Variants in QRFPR observed in about 807,000 individuals in gnomAD.
The protein encoded by QRFPR is pyroglutamylated RF-amide peptide receptor.
Under a neutral mutation model 31.3 loss-of-function variants are expected in QRFPR, and 37 were observed. The observed-to-expected ratio is 1.18, with a 90% CI of 0.91 to 1.56. QRFPR has a LOEUF of 1.56. QRFPR is among the 40% of genes most tolerant of loss of function. The pLI, the probability that QRFPR is intolerant of heterozygous loss-of-function variation, is 0.00. For missense variants in QRFPR, 542 were observed against 532.5 expected, an observed-to-expected ratio of 1.02 and a Z score of -0.18; for synonymous variants, 197 against 192.0, an observed-to-expected ratio of 1.03 and a Z score of -0.22.
At chr4:121,360,378 C>T (rs1245587295) in intron 1 of QRFPR, among the ~76,000 whole-genome samples, 1 of 152,108 alleles carries the variant, frequency 6.6e-6, no homozygotes, top group Non-Finnish European at 1.5e-5. Flanking sequence ...TTGCAAACAC[C>T]GATTCTTCCA....
At position 121,329,297 on chromosome 4, in the gene QRFPR, T is replaced by G; in HGVS notation, c.*17A>C. The stretch of plus-strand genomic sequence containing the variant: ...GTTACAATCTGAAGGGCATTAATTA[T>G]GAAGATATTGTTATAATTAATGCCC... On this transcript the variant is annotated 3_prime_UTR_variant, in exon 6 of 6. Coordinates refer to ENST00000394427, the MANE Select transcript of QRFPR (RefSeq NM_198179.3). 6.4e-7 allele frequency: 1 copy of G among 1,565,516 alleles called. No homozygotes were observed. The highest frequency in any genetic ancestry group is 8.7e-7 in the Non-Finnish European group (1 of 1,153,320).
At chr4:121,365,589 AT>A (rs1193793440) in intron 1 of QRFPR, among the ~76,000 whole-genome samples, 855 of 6,590 alleles carry the variant, frequency 0.13, 82 homozygotes, top group African/African-American at 0.29. Context: ...TATTATATAT[AT>A]TATATATATA....
At chr4:121,350,528 A>G (rs1725744617) in intron 1 of QRFPR, among the ~76,000 whole-genome samples, 1 of 152,232 alleles carries the variant, frequency 6.6e-6, no homozygotes, top group Non-Finnish European at 1.5e-5. Flanking sequence ...TTGCAAGAGT[A>G]ACAATCACAA....
intron 1 of QRFPR, among the ~76,000 whole-genome samples, chr4:121,365,584 T>TA (rs1726102714): frequency 3.3e-4 from 1 of 3,064 alleles, no homozygotes; most frequent in African/African-American, 7.2e-4. Context: ...ATATATATTA[T>TA]ATATATTATA....
intron 1 of QRFPR, among the ~76,000 whole-genome samples, chr4:121,344,371 C>T (rs960486093): frequency 1.3e-5 from 2 of 152,188 alleles, no homozygotes; most frequent in Non-Finnish European, 2.9e-5. Flanking sequence ...TGTTTAATAA[C>T]CCACCTGTGA....
At position 121,335,580 on chromosome 4, in the gene QRFPR, G is replaced by GGGT. The variant is rs1553945906; in HGVS notation, c.561+1226_561+1227insACC. ...GAGGCAGCCAATTGTATGGGGGGTG[G>GGGT]GGGGTGGGGCGGGGAGAGGAGTGGG... On this transcript the variant is annotated intron_variant, in intron 3 of 5. Transcript: ENST00000394427. Among the ~76,000 whole-genome samples the GGGT allele has an allele frequency of 7.2e-5, 6 of 83,474 alleles. 1 individual carries two copies. The highest frequency in any genetic ancestry group is 2.4e-3 in the East Asian group (2 of 832). The allele number at this position is 83,474 out of a possible 152,430, so 54.8% of individuals were successfully genotyped here.
intron 1 of QRFPR, among the ~76,000 whole-genome samples, chr4:121,344,699 C>T (rs886654045): frequency 2.0e-5 from 3 of 152,138 alleles, no homozygotes; most frequent in African/African-American, 7.2e-5. Flanking sequence ...ACGACTAAAA[C>T]AAAATAAACA....
chr4:121,344,265 T>G (rs1197536084), intron 1 of QRFPR, among the ~76,000 whole-genome samples: 1 of 152,200 alleles, frequency 6.6e-6, no homozygotes, highest in Non-Finnish European at 1.5e-5. Flanking sequence ...GAGTCCAGGT[T>G]GTCAGACTCC....
At chr4:121,370,119 C>A in intron 1 of QRFPR, 1 of 766,740 alleles carries the variant, frequency 1.3e-6, no homozygotes, top group South Asian at 1.4e-5. Context: ...GGAGGGTAGA[C>A]TGGCCTCTCC....
At chr4:121,380,205 GAGAGAGA>G (rs1726454240) in intron 1 of QRFPR, 96 bp downstream of exon 1, 1 of 326,346 alleles carries the variant, frequency 3.1e-6, no homozygotes, top group Non-Finnish European at 5.5e-6. Context: ...GAGAGAGAGA[GAGAGAGA>G]GAGAGAGAGA....
chr4:121,365,039 T>C, intron 1 of QRFPR, among the ~76,000 whole-genome samples: 1 of 149,878 alleles, frequency 6.7e-6, no homozygotes, highest in Non-Finnish European at 1.5e-5. Flanking sequence ...TACTAGTTAC[T>C]GTCTTTAAAT....
At position 121,380,320 on chromosome 4, in the gene QRFPR, T is replaced by C. The variant is rs753871065; in HGVS notation, c.328A>G (p.Asn110Asp). ...GCGCGACTCTTACCCCCCAGCCAGT[T>C]GTCGGAAATGTTCTGGAGCATGGTG... ...PVTMLQNISD[N>D]WLGGAFICKM... The change falls in exon 1 of 6, where the codon AAC becomes GAC. Residue 110 changes from asparagine to aspartate, a missense_variant. By Grantham distance (23) the Asn-to-Asp change is conservative. Transcript: ENST00000394427. 5 of 1,611,936 alleles carry C rather than the reference T, an allele frequency of 3.1e-6. No individual in the cohort carries two copies. The highest frequency in any genetic ancestry group is 4.2e-6 in the Non-Finnish European group (5 of 1,178,982).
chr4:121,352,786 T>TTA (rs1725788675), intron 1 of QRFPR, among the ~76,000 whole-genome samples: 1 of 152,086 alleles, frequency 6.6e-6, no homozygotes, highest in Non-Finnish European at 1.5e-5. Flanking sequence ...TTAAACATAG[T>TTA]CACCCTATTG....
intron 1 of QRFPR, among the ~76,000 whole-genome samples, chr4:121,352,351 T>C (rs1725776563): frequency 1.3e-5 from 2 of 152,122 alleles, no homozygotes; most frequent in South Asian, 4.1e-4. Context: ...TTTGTACTTA[T>C]GATTGTCACT....
rs535761068 is a variant in QRFPR, at chr4:121,339,446, T to C, written c.499+1006A>G. Among the ~76,000 whole-genome samples the C allele has an allele frequency of 2.6e-5, 4 of 152,280 alleles. No homozygotes were observed. The South Asian group carries it at 8.3e-4, about 32-fold the overall frequency. On this transcript the variant is annotated intron_variant, in intron 2 of 5. Coordinates refer to ENST00000394427, the MANE Select transcript of QRFPR (RefSeq NM_198179.3). ...TTGTGACTTGCTGACTCAGGAACAA[T>C]TACAGCAAGCTGACGATCCAGAAAT... is the stretch of plus-strand genomic sequence containing the variant.
At chr4:121,337,922 A>C (rs1482281797) in intron 2 of QRFPR, among the ~76,000 whole-genome samples, 2 of 152,164 alleles carry the variant, frequency 1.3e-5, no homozygotes, top group Non-Finnish European at 2.9e-5. Context: ...AAGGGCCCCA[A>C]CTTTGATTTG....
intron 1 of QRFPR, chr4:121,370,224 G>A (rs1207490059): frequency 2.6e-6 from 2 of 776,998 alleles, no homozygotes; most frequent in African/African-American, 1.7e-5. Flanking sequence ...AGTCATGGGT[G>A]CAGGGTCCTT....
chr4:121,356,884 G>T (rs548090415), intron 1 of QRFPR, among the ~76,000 whole-genome samples: 45 of 152,204 alleles, frequency 3.0e-4, no homozygotes, highest in African/African-American at 1.0e-3. Context: ...CTTGTCCAGG[G>T]TCTCTGAATC....
intron 1 of QRFPR, among the ~76,000 whole-genome samples, chr4:121,365,573 A>ATTAT (rs1560743820): frequency 1.4e-4 from 1 of 7,074 alleles, no homozygotes; most frequent in African/African-American, 7.0e-4. Flanking sequence ...TATTATATAT[A>ATTAT]ATATATATTA....
Sources: gnomAD v4.1 joint callset for allele counts (sites outside exome capture counted in the v4.1 genomes callset) on GRCh38, gnomAD v4.1.1 for gene constraint, MANE v1.5 for transcripts, NCBI Gene and HGNC (gene_info 2026-07-23, HGNC 2026-07-21) for gene names.